GSE1: variants seen among roughly 807,000 people sequenced by gnomAD.
GSE1 encodes Gse1 coiled-coil protein, also known as genetic suppressor element 1.
GSE1 carries 32 observed loss-of-function variants against 112.6 expected under a neutral mutation model. The observed-to-expected ratio is 0.28, with a 90% CI of 0.21 to 0.38. The LOEUF (loss-of-function observed/expected upper bound fraction) is 0.38. Among genes scored for constraint, GSE1 ranks in the 10% least tolerant of loss-of-function variants. The pLI, the probability that GSE1 is intolerant of heterozygous loss-of-function variation, is 1.00. For missense variants in GSE1, 2,348 were observed against 1,699.2 expected (o/e 1.38, Z -6.71); for synonymous variants, 1,115 against 735.6 (o/e 1.52, Z -8.35).
At chr16:85,301,888 T>G (rs569475490) in intron 1 of GSE1, among the ~76,000 whole-genome samples, 11 of 152,308 alleles carry the variant, frequency 7.2e-5, no homozygotes, top group Admixed American at 7.2e-4. Context: ...CTTGCATCCT[T>G]GGGTTCTGAT....
At chr16:85,563,157 A>T (rs1330554941) in intron 1 of GSE1, among the ~76,000 whole-genome samples, 3 of 148,820 alleles carry the variant, frequency 2.0e-5, no homozygotes, top group African/African-American at 7.4e-5. Context: ...CAACATCCAC[A>T]TGGTATCCTC....
chr16:85,476,541 A>G (rs2050461143), intron 2 of GSE1, among the ~76,000 whole-genome samples: 2 of 152,256 alleles, frequency 1.3e-5, no homozygotes, highest in South Asian at 4.1e-4. Flanking sequence ...TTTTTGGTTC[A>G]TTATATTCCA....
At chr16:85,364,319 A>G (rs1044801019) in intron 2 of GSE1, among the ~76,000 whole-genome samples, 3 of 152,082 alleles carry the variant, frequency 2.0e-5, no homozygotes, top group Middle Eastern at 3.2e-3. Context: ...GGCCCCTGTG[A>G]CTGCACCAGG....
At chr16:85,397,787 TC>T (rs1181925686) in intron 2 of GSE1, among the ~76,000 whole-genome samples, 1 of 152,132 alleles carries the variant, frequency 6.6e-6, no homozygotes, top group African/African-American at 2.4e-5. Context: ...AAGGCGCACA[TC>T]CCCTGCTGCC....
At position 85,661,550 on chromosome 16, in the gene GSE1, C is replaced by T. The variant is rs779916132; in HGVS notation, c.2045C>T (p.Thr682Ile). The T allele has an allele frequency of 1.2e-6, 2 of 1,611,900 alleles. No homozygotes were observed. The highest frequency in any genetic ancestry group is 8.5e-7 in the Non-Finnish European group (1 of 1,179,648). The part of the protein sequence containing the change: ...GPFLAELEKS[T>I]QTILGQQRAS... ...TTCCTGGCTGAGCTCGAGAAGTCCA[C>T]CCAGACCATCCTGGGCCAGCAGCGG... The change falls in exon 9 of 16, where the codon ACC becomes ATC. Residue 682 changes from threonine to isoleucine, a missense_variant. By Grantham distance (89) the Thr-to-Ile change is moderately conservative. Coordinates refer to ENST00000253458, the MANE Select transcript of GSE1 (RefSeq NM_014615.5).
At chr16:85,323,920 G>C (rs762407911) in intron 1 of GSE1, among the ~76,000 whole-genome samples, 3 of 152,220 alleles carry the variant, frequency 2.0e-5, no homozygotes, top group Non-Finnish European at 2.9e-5. Flanking sequence ...AAGGCCTTGA[G>C]CCCGAATCTG....
intron 1 of GSE1, among the ~76,000 whole-genome samples, chr16:85,203,842 A>T (rs2075071088): frequency 6.6e-6 from 1 of 152,186 alleles, no homozygotes; most frequent in Non-Finnish European, 1.5e-5. Context: ...GGCTCAGGCG[A>T]TCCTCCCACC....
At chr16:85,602,832 T>C (rs2047525419) in intron 1 of GSE1, among the ~76,000 whole-genome samples, 1 of 152,248 alleles carries the variant, frequency 6.6e-6, no homozygotes, top group African/African-American at 2.4e-5. Context: ...GCCAGCGATG[T>C]ACCCGGTTAC....
chr16:85,442,029 G>A (rs2049388100), intron 2 of GSE1, among the ~76,000 whole-genome samples: 2 of 152,220 alleles, frequency 1.3e-5, no homozygotes, highest in East Asian at 1.9e-4. Context: ...GTGGGCCCCT[G>A]CTGCAGCCAC....
intron 2 of GSE1, among the ~76,000 whole-genome samples, chr16:85,487,553 C>A (rs1342308048): frequency 6.6e-6 from 1 of 152,198 alleles, no homozygotes; most frequent in Non-Finnish European, 1.5e-5. Flanking sequence ...AGATGGGAAA[C>A]AGGCACGGAG....
chr16:85,567,877 C>G (rs999077849), intron 1 of GSE1, among the ~76,000 whole-genome samples: 1 of 152,122 alleles, frequency 6.6e-6, no homozygotes, highest in African/African-American at 2.4e-5. Context: ...TATGCACCAC[C>G]ACACCTGGCT....
Position 85,634,114 on chromosome 16 carries a change from C to G in GSE1, c.208C>G (p.Gln70Glu). 6.5e-7 allele frequency: 1 copy of G among 1,549,534 alleles called. No individual in the cohort carries two copies. Among genetic ancestry groups the G allele is most frequent in the Non-Finnish European group, 8.7e-7 (1 of 1,153,504 alleles). Residue 70 changes from glutamine (Q) to glutamate (E), a missense_variant, in exon 2 of 16, where the codon CAG becomes GAG. Gln to Glu is a conservative substitution (Grantham distance 29). Coordinates refer to ENST00000253458, the MANE Select transcript of GSE1 (RefSeq NM_014615.5). ...CGCCGCGCTGCGCAAGCTCGCCAAA[C>G]AGGCGGAGGAGCCCAGAGGTAAGGG... is the stretch of plus-strand genomic sequence containing the variant. The part of the protein sequence containing the change: ...FAAALRKLAK[Q>E]AEEPRGSSLS...
At chr16:85,516,957 C>G (rs1040474520) in intron 2 of GSE1, among the ~76,000 whole-genome samples, 1 of 152,116 alleles carries the variant, frequency 6.6e-6, no homozygotes, top group Non-Finnish European at 1.5e-5. Context: ...GTCACCACGC[C>G]CGGCTAATTT....
chr16:85,235,430 G>GTT (rs1904510184), intron 1 of GSE1, among the ~76,000 whole-genome samples: 1 of 33,496 alleles, frequency 3.0e-5, no homozygotes, highest in African/African-American at 1.0e-4. Flanking sequence ...GAAGGGTACT[G>GTT]TGTGTGTGTG....
At chr16:85,333,431 T>C (rs2046417475) in intron 1 of GSE1, among the ~76,000 whole-genome samples, 1 of 152,132 alleles carries the variant, frequency 6.6e-6, no homozygotes, top group Non-Finnish European at 1.5e-5. Flanking sequence ...GGCCTCCTCC[T>C]TGTCTCTCCT....
At chr16:85,402,995 C>G (rs571177769) in intron 2 of GSE1, among the ~76,000 whole-genome samples, 1 of 152,184 alleles carries the variant, frequency 6.6e-6, no homozygotes, top group South Asian at 2.1e-4. Flanking sequence ...GTCAGGGATC[C>G]GGATCCAGCT....
At chr16:85,588,516 G>C (rs2046815508) in intron 1 of GSE1, among the ~76,000 whole-genome samples, 1 of 152,244 alleles carries the variant, frequency 6.6e-6, no homozygotes, top group African/African-American at 2.4e-5. Flanking sequence ...ACCCCGGCCA[G>C]TGCTCCAAAT....
chr16:85,637,812 G>T (rs1339004387), intron 2 of GSE1, among the ~76,000 whole-genome samples: 1 of 151,960 alleles, frequency 6.6e-6, no homozygotes, highest in Non-Finnish European at 1.5e-5. Context: ...TCTGGTGCCT[G>T]CCAGGTGCCC....
intron 2 of GSE1, among the ~76,000 whole-genome samples, chr16:85,442,851 T>G (rs1040168014): frequency 2.0e-4 from 30 of 152,080 alleles, no homozygotes; most frequent in Admixed American, 1.8e-3. Flanking sequence ...GACATCAAGG[T>G]GTTGGTGGGG....
Sources: allele counts gnomAD v4.1 joint callset (sites outside exome capture counted in the v4.1 genomes callset), GRCh38; gene constraint gnomAD v4.1.1; transcripts MANE v1.5; gene names NCBI Gene and HGNC (gene_info 2026-07-23, HGNC 2026-07-21).